HDAC2: variants seen among roughly 807,000 people sequenced by gnomAD.
HDAC2 encodes the protein histone deacetylase 2.
HDAC2 carries 5 observed loss-of-function variants against 68.5 expected under a neutral mutation model. The observed-to-expected ratio is 0.07, with a 90% CI of 0.04 to 0.15. The LOEUF (loss-of-function observed/expected upper bound fraction) is 0.15, where lower values mean the gene tolerates loss of function less well. Ranked by LOEUF, HDAC2 falls within the 10% of genes least tolerant of loss-of-function variation. The pLI is 1.00. For synonymous variants in HDAC2, 182 were observed against 191.3 expected, an observed-to-expected ratio of 0.95 and a Z score of 0.40; for missense variants, 291 against 600.8, an observed-to-expected ratio of 0.48 and a Z score of 5.39.
chr6:113,942,242 C>T (rs1776152504), intron 12 of HDAC2, among the ~76,000 whole-genome samples: 1 of 152,026 alleles, frequency 6.6e-6, no homozygotes, highest in East Asian at 1.9e-4. Flanking sequence ...AAAGTTAAGT[C>T]GTCCTTAATT....
At chr6:113,963,310 C>T (rs1243957319) in intron 1 of HDAC2, among the ~76,000 whole-genome samples, 1 of 152,006 alleles carries the variant, frequency 6.6e-6, no homozygotes, top group Non-Finnish European at 1.5e-5. Flanking sequence ...TCTCAAACTC[C>T]TGACCTCAGA....
rs1159931791 is a variant in HDAC2, at chr6:113,938,909, T to C, written c.*2149A>G. The C allele has an allele frequency of 6.6e-6, 1 of 152,166 alleles. No individual in the cohort carries two copies. Among genetic ancestry groups the C allele is most frequent in the Non-Finnish European group, 1.5e-5 (1 of 68,034 alleles). 9.4% of individuals were successfully genotyped at this position (152,166 alleles called of 1,614,324 possible). A position where few individuals can be genotyped will look rare whatever the true frequency, so the allele number is the denominator to read the frequency against. ...GTTTTAGTTGTATATAACCAACTAC[T>C]TAGAAAAACAAAACCTCTTAAATAC... On this transcript the variant is annotated 3_prime_UTR_variant, in exon 14 of 14. Coordinates refer to ENST00000519065, the MANE Select transcript of HDAC2 (RefSeq NM_001527.4).
chr6:113,938,416 G>A lies in HDAC2; in HGVS notation c.*2642C>T, dbSNP rs925965030. 1 of 152,016 alleles carries A rather than the reference G, an allele frequency of 6.6e-6. No homozygotes were observed. The highest frequency in any genetic ancestry group is 2.4e-5 in the African/African-American group (1 of 41,392). 9.4% of individuals were successfully genotyped at this position (152,016 alleles called of 1,614,324 possible). A position where few individuals can be genotyped will look rare whatever the true frequency, so the allele number is the denominator to read the frequency against. ...TCTTCTAAGTTTTTGTTGGTCCACT[G>A]AACTAATTTTTTTTTTGTTATCAAA... is the stretch of plus-strand genomic sequence containing the variant. On this transcript the variant is annotated 3_prime_UTR_variant, in exon 14 of 14. Coordinates refer to ENST00000519065, the MANE Select transcript of HDAC2 (RefSeq NM_001527.4).
Position 113,971,140 on chromosome 6 carries a change from G to T in HDAC2, c.-232C>A. 1 of 1,538,482 alleles carries T rather than the reference G, an allele frequency of 6.5e-7. No homozygotes were observed. The highest frequency in any genetic ancestry group is 8.8e-7 in the Non-Finnish European group (1 of 1,140,706). On this transcript the variant is annotated 5_prime_UTR_variant, in exon 1 of 14. Transcript: ENST00000519065. ...GGAGGTGGCAGCGGCACCAACTCGCGAGGAGGGGGCCACCAAACCACCTCA... is the reference window on the plus strand; with the variant it reads ...GGAGGTGGCAGCGGCACCAACTCGCTAGGAGGGGGCCACCAAACCACCTCA...
At chr6:113,967,029 A>G (rs1304404319) in intron 1 of HDAC2, among the ~76,000 whole-genome samples, 8 of 152,264 alleles carry the variant, frequency 5.3e-5, no homozygotes, top group Admixed American at 6.5e-5. Context: ...TTATTCAGCA[A>G]AAGACTTTGG....
chr6:113,956,190 T>G lies in HDAC2; in HGVS notation c.359-39A>C, dbSNP rs73766804. ...ACAAGATAGACCTTTTAAACATTTA[T>G]CATAAAAAAGTAGTAGAATGAGACA... On this transcript the variant is annotated intron_variant, in intron 4 of 13. Coordinates refer to ENST00000519065, the MANE Select transcript of HDAC2 (RefSeq NM_001527.4). 188 of 1,540,318 alleles carry G rather than the reference T, an allele frequency of 1.2e-4. No homozygotes were observed. In the African/African-American group the frequency reaches 2.4e-3, roughly 19 times the overall value.
rs1432788218 is a variant in HDAC2, at chr6:113,971,074, G to A, written c.-166C>T. The A allele has an allele frequency of 6.4e-7, 1 of 1,554,176 alleles. No homozygotes were observed. The highest frequency in any genetic ancestry group is 1.2e-5 in the South Asian group (1 of 84,860). ...GGAGGAGAGGAGGGGGCGCCGGGAA[G>A]GCTCGGTACCACCCGGCAGAGGTGC... On this transcript the variant is annotated 5_prime_UTR_variant, in exon 1 of 14. Coordinates refer to ENST00000519065, the MANE Select transcript of HDAC2 (RefSeq NM_001527.4).
chr6:113,953,229 C>G, intron 6 of HDAC2, 48 bp downstream of exon 6: 1 of 1,413,416 alleles, frequency 7.1e-7, no homozygotes, highest in Non-Finnish European at 9.8e-7. Flanking sequence ...GATTACTGAT[C>G]TCCTAGGTTC....
intron 1 of HDAC2, chr6:113,968,814 T>C (rs1287969572): frequency 1.3e-5 from 2 of 152,214 alleles, no homozygotes; most frequent in African/African-American, 2.4e-5. Flanking sequence ...ACGAAGGTTA[T>C]CATAAATGGG....
At chr6:113,948,161 T>C (rs1050020045) in intron 8 of HDAC2, 1 of 152,182 alleles carries the variant, frequency 6.6e-6, no homozygotes, top group African/African-American at 2.4e-5. Flanking sequence ...GATCAAAATT[T>C]AGTATGTACT....
At chr6:113,949,302 A>T (rs1490331683) in intron 6 of HDAC2, 42 bp from the exon 7 acceptor site, 2 of 1,267,288 alleles carry the variant, frequency 1.6e-6, no homozygotes, top group Non-Finnish European at 2.3e-6. Context: ...ATATTCTATA[A>T]TAAAAAGTTT....
intron 6 of HDAC2, among the ~76,000 whole-genome samples, chr6:113,950,738 T>C (rs1776394160): frequency 6.6e-6 from 1 of 151,582 alleles, no homozygotes; most frequent in South Asian, 2.1e-4. Context: ...CGTTGAATGA[T>C]AATGTCTGAA....
At chr6:113,953,953 T>C (rs963280182) in intron 5 of HDAC2, among the ~76,000 whole-genome samples, 4 of 152,262 alleles carry the variant, frequency 2.6e-5, no homozygotes, top group Non-Finnish European at 5.9e-5. Context: ...AAAAAAGTTT[T>C]ACTGAAAGAC....
chr6:113,946,997 T>G (rs1776278065), intron 8 of HDAC2: 2 of 152,174 alleles, frequency 1.3e-5, no homozygotes, highest in Admixed American at 1.3e-4. Flanking sequence ...TTTACAAAGT[T>G]TATCTGTTCT....
rs867173344 is a variant in HDAC2 at position 113,971,027 on chromosome 6, C to T, written c.-119G>A. 4 of 1,575,236 alleles carry T rather than the reference C, an allele frequency of 2.5e-6. No homozygotes were observed. The highest frequency in any genetic ancestry group is 3.7e-5 in the Admixed American group (2 of 53,606). ...GAGGGAAACGTGGGGGCGATAGTCC[C>T]GCGGGGAAGGGCAGGCCGGTGGGAG... On this transcript the variant is annotated 5_prime_UTR_variant, in exon 1 of 14. Coordinates refer to ENST00000519065, the MANE Select transcript of HDAC2 (RefSeq NM_001527.4).
In HDAC2 at chr6:113,934,568, T is replaced by C. The variant is rs961061648; in HGVS notation, c.*6490A>G. ...TTACCTATAGGGGTCCAGATGTGTT[T>C]TTCTGGGAAATCAGATTTATTGCCC... is the stretch of plus-strand genomic sequence containing the variant. On this transcript the variant is annotated 3_prime_UTR_variant, in exon 14 of 14. Coordinates refer to ENST00000519065, the MANE Select transcript of HDAC2 (RefSeq NM_001527.4). 1 of 152,222 alleles carries C rather than the reference T, an allele frequency of 6.6e-6. No individual in the cohort carries two copies. Among genetic ancestry groups the C allele is most frequent in the Admixed American group, 6.5e-5 (1 of 15,282 alleles). The allele number at this position is 152,222 out of a possible 1,614,324, so 9.4% of individuals were successfully genotyped here. A position where few individuals can be genotyped will look rare whatever the true frequency, so the allele number is the denominator to read the frequency against.
intron 5 of HDAC2, among the ~76,000 whole-genome samples, chr6:113,954,850 ATAAC>A (rs144678378): frequency 0.092 from 13,982 of 152,234 alleles, 788 homozygotes; most frequent in Non-Finnish European, 0.12. Context: ...ATGGCAAAAA[ATAAC>A]TAACATTGCG....
intron 6 of HDAC2, among the ~76,000 whole-genome samples, chr6:113,951,860 C>CA (rs1398178279): frequency 6.6e-6 from 1 of 152,172 alleles, no homozygotes; most frequent in Non-Finnish European, 1.5e-5. Context: ...TCAAAAACTT[C>CA]AAACTGTAAG....
At chr6:113,941,645 C>A in intron 13 of HDAC2, 63 bp downstream of exon 13, 1 of 623,118 alleles carries the variant, frequency 1.6e-6, no homozygotes, top group Non-Finnish European at 2.7e-6. Flanking sequence ...CAAACACACA[C>A]CAATAAACAT....
Sources: gnomAD v4.1 joint callset for allele counts (sites outside exome capture counted in the v4.1 genomes callset) on GRCh38, gnomAD v4.1.1 for gene constraint, MANE v1.5 for transcripts, NCBI Gene and HGNC (gene_info 2026-07-23, HGNC 2026-07-21) for gene names.